PRSS23: variants seen among roughly 807,000 people sequenced by gnomAD.
PRSS23 encodes protease, serine 23.
In PRSS23, 25 loss-of-function variants were observed where a neutral mutation model predicts 34.7. That is an observed-to-expected ratio of 0.72 (90% CI 0.53 to 1.01). The LOEUF (loss-of-function observed/expected upper bound fraction) is 1.01. PRSS23 is among the 50% of genes least tolerant of loss of function. The probability of loss-of-function intolerance (pLI) is 0.00; values close to 1 mark genes in which losing one functional copy is unlikely to be tolerated. For synonymous variants in PRSS23, 176 were observed against 186.6 expected, an observed-to-expected ratio of 0.94 and a Z score of 0.46; for missense variants, 445 against 475.6, an observed-to-expected ratio of 0.94 and a Z score of 0.60.
intron 2 of PRSS23, among the ~76,000 whole-genome samples, chr11:86,902,575 A>C (rs911973913): frequency 1.3e-5 from 2 of 152,204 alleles, no homozygotes; most frequent in Non-Finnish European, 2.9e-5. Flanking sequence ...GCTAACAGGC[A>C]TGATATCATA....
At chr11:86,951,333 C>G (rs781192701) in exon 3 of PRSS23, 2 of 1,612,824 alleles carry the variant, frequency 1.2e-6, no homozygotes, top group East Asian at 4.5e-5. Context: ...ATTTCAACAG[C>G]CATGTTGGAA....
intron 2 of PRSS23, chr11:86,832,442 C>T (rs28561434): frequency 0.026 from 4,992 of 194,414 alleles, 281 homozygotes; most frequent in African/African-American, 0.11. Flanking sequence ...GGTCTTCACC[C>T]TGTGATATTA....
chr11:86,884,584 A>C (rs2511886), intron 2 of PRSS23, among the ~76,000 whole-genome samples: 1 of 152,034 alleles, frequency 6.6e-6, no homozygotes, highest in Non-Finnish European at 1.5e-5. Context: ...TTACAGGCGT[A>C]AGCCACCACA....
Position 86,829,810 on chromosome 11 carries a change from G to A in PRSS23, c.206+6217G>A, listed in dbSNP as rs11501852. ...GGTGGCTGCAGAACAGGGGATTTTCGTGAACCACGAATGCTGCTGTCTGAT... is the reference window on the plus strand; with the variant it reads ...GGTGGCTGCAGAACAGGGGATTTTCATGAACCACGAATGCTGCTGTCTGAT... On this transcript the variant is annotated intron_variant, in intron 2 of 2. Coordinates refer to the PRSS23 transcript ENST00000533902. 7.4e-3 allele frequency among the ~76,000 whole-genome samples: 1,120 copies of A among 152,282 alleles called. 21 individuals are homozygous for A. The highest frequency in any genetic ancestry group is 0.025 in the African/African-American group (1,048 of 41,560).
rs1054682918 is a variant in PRSS23 at position 86,847,346 on chromosome 11, T to A, written c.206+23753T>A. Among the ~76,000 whole-genome samples, 32 of 152,162 alleles carry A rather than the reference T, an allele frequency of 2.1e-4. 2 individuals are homozygous for A. Among genetic ancestry groups the A allele is most frequent in the African/African-American group, 7.7e-4 (32 of 41,428 alleles). ...CAGGCCTTGCCACCCTGGAACAGGTTGGATGTATTGGCAGAAGGACCATAA... is the reference window on the plus strand; with the variant it reads ...CAGGCCTTGCCACCCTGGAACAGGTAGGATGTATTGGCAGAAGGACCATAA... On this transcript the variant is annotated intron_variant, in intron 2 of 2. Coordinates refer to the PRSS23 transcript ENST00000533902.
rs527631615 is a variant in PRSS23 at position 86,847,493 on chromosome 11, G to A, written c.206+23900G>A. ...GTAGATGGAGAGCTCAGGAAAAGCG[G>A]CCATGAGCTTTCAGCACAATTAGTC... On this transcript the variant is annotated intron_variant, in intron 2 of 2. Coordinates refer to the PRSS23 transcript ENST00000533902. Among the ~76,000 whole-genome samples the A allele has an allele frequency of 2.6e-5, 4 of 152,270 alleles. No individual in the cohort carries two copies. The East Asian group carries it at 7.7e-4, about 29-fold the overall frequency.
rs143016168 is a variant in PRSS23, at chr11:86,818,475, A to T, written c.-11-4902A>T. 5.3e-3 allele frequency among the ~76,000 whole-genome samples: 812 copies of T among 152,298 alleles called. 3 individuals carry two copies. The highest frequency in any genetic ancestry group is 8.4e-3 in the Non-Finnish European group (569 of 68,022). On this transcript the variant is annotated intron_variant, in intron 1 of 2. Transcript: ENST00000533902. Reference sequence around the variant, plus strand: ...TAAGTGTTTCCGACCATTTAGAAAGACCTTTCCTTTCTAAATCAACACGTA... The same window carrying T: ...TAAGTGTTTCCGACCATTTAGAAAGTCCTTTCCTTTCTAAATCAACACGTA...
rs1316327328 is a variant in PRSS23 at position 86,832,659 on chromosome 11, A to T, written c.206+9066A>T. On this transcript the variant is annotated intron_variant, in intron 2 of 2. Transcript: ENST00000533902. The stretch of plus-strand genomic sequence containing the variant: ...GCCACTGCACCCTTTCTGGGGGAAG[A>T]TGACACATCTGAACTCAGGTACCCC... 1.6e-5 allele frequency: 7 copies of T among 431,452 alleles called. No homozygotes were observed. In the East Asian group the frequency reaches 4.3e-4, roughly 27 times the overall value. The allele number at this position is 431,452 out of a possible 1,614,324, so 26.7% of individuals were successfully genotyped here. A position where few individuals can be genotyped will look rare whatever the true frequency, so the allele number is the denominator to read the frequency against.
intron 1 of PRSS23, among the ~76,000 whole-genome samples, chr11:86,802,374 T>C (rs1452277672): frequency 1.3e-5 from 2 of 152,256 alleles, no homozygotes; most frequent in Non-Finnish European, 2.9e-5. Flanking sequence ...TGTACAAGAC[T>C]GTAATTCTTA....
intron 2 of PRSS23, among the ~76,000 whole-genome samples, chr11:86,929,342 A>C (rs1328320701): frequency 3.3e-5 from 5 of 151,376 alleles, no homozygotes; most frequent in African/African-American, 1.2e-4. Context: ...AAACAAAAAA[A>C]AAAACCCCAC....
intron 2 of PRSS23, among the ~76,000 whole-genome samples, chr11:86,924,093 C>G (rs1039760608): frequency 2.0e-5 from 3 of 152,080 alleles, no homozygotes. Context: ...GAGGTAAGAT[C>G]GAGAGCCGGA....
At chr11:86,851,598 G>T (rs138393579) in intron 2 of PRSS23, among the ~76,000 whole-genome samples, 1 of 152,188 alleles carries the variant, frequency 6.6e-6, no homozygotes, top group East Asian at 1.9e-4. Flanking sequence ...CACCCTTTTC[G>T]ACTTCATGAT....
At chr11:86,853,843 C>T (rs1030547787) in intron 2 of PRSS23, among the ~76,000 whole-genome samples, 4 of 152,158 alleles carry the variant, frequency 2.6e-5, no homozygotes, top group African/African-American at 9.7e-5. Context: ...TACGTTCCCT[C>T]CAATCATATT....
Position 86,890,000 on chromosome 11 carries a change from G to A in PRSS23, c.207-61216G>A, listed in dbSNP as rs374786644. On this transcript the variant is annotated intron_variant, in intron 2 of 2. Transcript: ENST00000533902. Reference sequence around the variant, plus strand: ...TTCCCCAGTTGAGGCCAGGTGCGGTGGCTCACGCCTGAGTCCCAGCACTTT... The same window carrying A: ...TTCCCCAGTTGAGGCCAGGTGCGGTAGCTCACGCCTGAGTCCCAGCACTTT... 2.9e-3 allele frequency among the ~76,000 whole-genome samples: 445 copies of A among 152,218 alleles called. 6 individuals carry two copies. Among genetic ancestry groups the A allele is most frequent in the African/African-American group, 8.1e-3 (338 of 41,520 alleles).
At chr11:86,919,989 C>T (rs1234785466) in intron 2 of PRSS23, among the ~76,000 whole-genome samples, 1 of 152,152 alleles carries the variant, frequency 6.6e-6, no homozygotes, top group Non-Finnish European at 1.5e-5. Context: ...TTGCTAAAAT[C>T]AAACTACAAG....
intron 2 of PRSS23, among the ~76,000 whole-genome samples, chr11:86,834,407 G>A (rs1349982995): frequency 6.6e-6 from 1 of 151,980 alleles, no homozygotes; most frequent in Non-Finnish European, 1.5e-5. Flanking sequence ...TTTCCCGAGG[G>A]GATTACCCAA....
intron 1 of PRSS23, among the ~76,000 whole-genome samples, chr11:86,801,085 G>C (rs556371154): frequency 3.9e-5 from 6 of 152,138 alleles, no homozygotes; most frequent in South Asian, 2.1e-4. Context: ...TGAATATTAA[G>C]TTTTAACCCT....
intron 2 of PRSS23, among the ~76,000 whole-genome samples, chr11:86,828,794 CT>C (rs1176029673): frequency 6.6e-6 from 1 of 152,146 alleles, no homozygotes; most frequent in Admixed American, 6.5e-5. Flanking sequence ...GTTGAAAATT[CT>C]TTTCTTTAAG....
At chr11:86,900,065 T>C (rs182239675) in intron 2 of PRSS23, among the ~76,000 whole-genome samples, 20 of 152,366 alleles carry the variant, frequency 1.3e-4, no homozygotes, top group Admixed American at 5.2e-4. Flanking sequence ...AAATGCCTCT[T>C]TGAAAATAGA....
Sources: gnomAD v4.1 joint callset for allele counts (sites outside exome capture counted in the v4.1 genomes callset) on GRCh38, gnomAD v4.1.1 for gene constraint, MANE v1.5 for transcripts, NCBI Gene and HGNC (gene_info 2026-07-23, HGNC 2026-07-21) for gene names.